Variants in CTPS1 observed in about 807,000 individuals in gnomAD.
CTPS1 encodes the protein CTP synthase 1.
A neutral mutation model predicts 80.5 loss-of-function variants in CTPS1; 25 were observed. The observed-to-expected ratio is 0.31, with a 90% CI of 0.23 to 0.43. The LOEUF (loss-of-function observed/expected upper bound fraction) is 0.43. CTPS1 is among the 20% of genes least tolerant of loss of function. The pLI is 1.00. For synonymous variants in CTPS1, 267 were observed against 252.5 expected (o/e 1.06, Z -0.54); for missense variants, 442 against 725.7 (o/e 0.61, Z 4.49).
At chr1:40,996,473 A>G (rs557515152) in intron 8 of CTPS1, among the ~76,000 whole-genome samples, 1 of 152,190 alleles carries the variant, frequency 6.6e-6, no homozygotes, top group South Asian at 2.1e-4. Context: ...AATGTGTCTC[A>G]CCCCACACCA....
rs1039998101 is a variant in CTPS1 at position 41,005,521 on chromosome 1, A to G, written c.1253-530A>G. The stretch of plus-strand genomic sequence containing the variant: ...TTACTAGGTTATGCCATTAGTTTTG[A>G]TTTTCCCATTTTGTACTGATTGACT... On this transcript the variant is annotated intron_variant, in intron 12 of 18. Coordinates refer to ENST00000650070, the MANE Select transcript of CTPS1 (RefSeq NM_001905.4). Among the ~76,000 whole-genome samples, 10 of 151,764 alleles carry G rather than the reference A, an allele frequency of 6.6e-5. No homozygotes were observed. The East Asian group carries it at 1.9e-3, about 29-fold the overall frequency.
intron 9 of CTPS1, 36 bp downstream of exon 9, chr1:40,997,562 G>T (rs755690012): frequency 6.2e-7 from 1 of 1,606,202 alleles, no homozygotes; most frequent in Admixed American, 1.7e-5. Flanking sequence ...CAAAGGATGA[G>T]CAGGGAAGCA....
rs1231988452 is a variant in CTPS1 at position 41,012,356 on chromosome 1, A to C, written c.*708A>C. The C allele has an allele frequency of 6.6e-6, 1 of 152,142 alleles. No homozygotes were observed. Among genetic ancestry groups the C allele is most frequent in the Non-Finnish European group, 1.5e-5 (1 of 68,012 alleles). 9.4% of individuals were successfully genotyped at this position (152,142 alleles called of 1,614,324 possible). On this transcript the variant is annotated 3_prime_UTR_variant, in exon 19 of 19. Transcript: ENST00000650070. ...TACAGAACAAAGAATCTTTTGGGGG[A>C]AACTTCCTCTAAAACCCTCTCATAT...
chr1:40,989,213 C>T (rs764380738), intron 5 of CTPS1, among the ~76,000 whole-genome samples: 9 of 152,226 alleles, frequency 5.9e-5, no homozygotes, highest in Non-Finnish European at 1.0e-4. Flanking sequence ...CAGACCCTGA[C>T]ATCTTTTTCC....
Position 40,984,986 on chromosome 1 carries a change from T to C in CTPS1, c.332T>C (p.Val111Ala), listed in dbSNP as rs1396887884. 1.9e-6 allele frequency: 3 copies of C among 1,567,406 alleles called. No individual in the cohort carries two copies. Among genetic ancestry groups the C allele is most frequent in the East Asian group, 2.3e-5 (1 of 43,566 alleles). Reference protein sequence around the residue: ...ERKGDYLGKTVQVVPHITDAI... With the variant: ...ERKGDYLGKTAQVVPHITDAI... ...AAAGGAGATTACTTGGGGAAAACTG[T>C]CCAAGGTAATACTGGATTTACCTTT... is the stretch of plus-strand genomic sequence containing the variant. The change falls in exon 3 of 19, where the codon GTC (valine) becomes GCC (alanine). Residue 111 changes from valine (V) to alanine (A), a missense_variant. Transcript: ENST00000650070.
chr1:40,981,234 G>A (rs925285979), intron 1 of CTPS1: 1 of 152,184 alleles, frequency 6.6e-6, no homozygotes, highest in African/African-American at 2.4e-5. Flanking sequence ...TGTCATGTAA[G>A]TCAGTAGCCC....
At position 41,008,826 on chromosome 1, in the gene CTPS1, A is replaced by G. The variant is rs1477470673; in HGVS notation, c.1482A>G (p.Glu494=). 2 of 1,614,110 alleles carry G rather than the reference A, an allele frequency of 1.2e-6. No homozygotes were observed. Among genetic ancestry groups the G allele is most frequent in the African/African-American group, 1.3e-5 (1 of 74,946 alleles). Residue 494 remains glutamate (E), a synonymous_variant, in exon 16 of 19, where the codon GAA becomes GAG. Transcript: ENST00000650070. ...CAGTCTGGAAAAAGTGTTTGGAAGA[A>G]CAAGGCTTGAAGTTTGTTGGCCAAG... is the stretch of plus-strand genomic sequence containing the variant. ...VNPVWKKCLE[E]QGLKFVGQDV... is the part of the protein sequence containing the mutation.
In CTPS1 at chr1:41,010,262, GTACTT is replaced by G. The variant is rs1437609344; in HGVS notation, c.*9+11_*9+15del. The G allele has an allele frequency of 1.2e-5, 19 of 1,583,194 alleles. No homozygotes were observed. Among genetic ancestry groups the G allele is most frequent in the Non-Finnish European group, 1.6e-5 (19 of 1,153,618 alleles). On this transcript the variant is annotated intron_variant, in intron 18 of 18. Coordinates refer to ENST00000650070, the MANE Select transcript of CTPS1 (RefSeq NM_001905.4). Reference sequence around the variant, plus strand: ...CATGACTGATCTTGTAGCGTAAGTGGTACTTTAAAGTTTTAGTTTTTAAAAACATG... The same window carrying G: ...CATGACTGATCTTGTAGCGTAAGTGGTAAAGTTTTAGTTTTTAAAAACATG...
At chr1:40,998,210 A>G (rs947852781) in intron 9 of CTPS1, among the ~76,000 whole-genome samples, 23 of 151,132 alleles carry the variant, frequency 1.5e-4, no homozygotes, top group Non-Finnish European at 2.6e-4. Flanking sequence ...CGTTCTGGCT[A>G]ACACGGTGAA....
intron 18 of CTPS1, among the ~76,000 whole-genome samples, chr1:41,010,508 G>T (rs61780436): frequency 0.15 from 22,899 of 152,200 alleles, 2,206 homozygotes; most frequent in Non-Finnish European, 0.21. Flanking sequence ...TGGGGAGCAT[G>T]GTCACTGGGC....
At chr1:40,985,648 A>G (rs1166443506) in intron 3 of CTPS1, among the ~76,000 whole-genome samples, 2 of 152,082 alleles carry the variant, frequency 1.3e-5, no homozygotes, top group African/African-American at 4.8e-5. Context: ...AGTGGCTTTA[A>G]TCTGAGTTAT....
intron 5 of CTPS1, among the ~76,000 whole-genome samples, chr1:40,989,878 T>C (rs1484741701): frequency 6.6e-6 from 1 of 152,038 alleles, no homozygotes; most frequent in Non-Finnish European, 1.5e-5. Flanking sequence ...AGAAAGTAAG[T>C]TGAGGAAATA....
chr1:41,011,325 C>T (rs1350363155), intron 18 of CTPS1, among the ~76,000 whole-genome samples: 1 of 152,192 alleles, frequency 6.6e-6, no homozygotes, highest in Non-Finnish European at 1.5e-5. Context: ...ACAACAAGAA[C>T]TGTTACCAGT....
intron 1 of CTPS1, chr1:40,980,118 C>G (rs902858820): frequency 3.3e-5 from 5 of 151,332 alleles, no homozygotes; most frequent in African/African-American, 1.2e-4. Context: ...GCTGCGGGGC[C>G]TGCGCTGCCG....
At chr1:41,002,877 C>T (rs1201345223) in intron 11 of CTPS1, among the ~76,000 whole-genome samples, 3 of 152,166 alleles carry the variant, frequency 2.0e-5, no homozygotes, top group African/African-American at 7.2e-5. Context: ...ATATCACTTA[C>T]TTCTAAAATC....
chr1:41,009,733 G>A (rs564624268), intron 17 of CTPS1, 144 bp downstream of exon 17: 8 of 965,554 alleles, frequency 8.3e-6, no homozygotes, highest in Admixed American at 8.2e-5. Flanking sequence ...CTCCTTTCCC[G>A]GAGCTTTCTC....
intron 6 of CTPS1, among the ~76,000 whole-genome samples, chr1:40,991,538 A>C (rs777390182): frequency 1.3e-5 from 2 of 152,126 alleles, no homozygotes; most frequent in African/African-American, 2.4e-5. Context: ...GTAGTTCATT[A>C]ATGTATTCAT....
At position 41,011,949 on chromosome 1, in the gene CTPS1, A is replaced by G. The variant is rs916323409; in HGVS notation, c.*301A>G. On this transcript the variant is annotated 3_prime_UTR_variant, in exon 19 of 19. Coordinates refer to ENST00000650070, the MANE Select transcript of CTPS1 (RefSeq NM_001905.4). Reference sequence around the variant, plus strand: ...GCCCCATCGGTCACCTTGTTTCTCAACTACCTCGCATCATTGCAGATGCTA... The same window carrying G: ...GCCCCATCGGTCACCTTGTTTCTCAGCTACCTCGCATCATTGCAGATGCTA... The G allele has an allele frequency of 6.6e-6, 1 of 152,092 alleles. No individual in the cohort carries two copies. Among genetic ancestry groups the G allele is most frequent in the Non-Finnish European group, 1.5e-5 (1 of 68,020 alleles). The allele number at this position is 152,092 out of a possible 1,614,324, so 9.4% of individuals were successfully genotyped here.
chr1:40,986,555 A>G (rs2148390619), intron 3 of CTPS1, among the ~76,000 whole-genome samples: 1 of 152,340 alleles, frequency 6.6e-6, no homozygotes, highest in Non-Finnish European at 1.5e-5. Flanking sequence ...CCATGTGTGG[A>G]GTAGATAATG....
Sources: allele counts gnomAD v4.1 joint callset (sites outside exome capture counted in the v4.1 genomes callset), GRCh38; gene constraint gnomAD v4.1.1; transcripts MANE v1.5; gene names NCBI Gene and HGNC (gene_info 2026-07-23, HGNC 2026-07-21).